The following NOVA1 variants were observed in gnomAD, a reference collection of about 807,000 sequenced individuals.
NOVA1 encodes RNA-binding protein Nova-1.
Under a neutral mutation model 38.0 loss-of-function variants are expected in NOVA1, and 7 were observed. The observed-to-expected ratio is 0.18, with a 90% confidence interval of 0.10 to 0.35. The LOEUF (loss-of-function observed/expected upper bound fraction) is 0.35. Among genes scored for constraint, NOVA1 ranks in the 10% least tolerant of loss-of-function variants. The pLI is 1.00. For missense variants in NOVA1, 460 were observed against 616.0 expected, an observed-to-expected ratio of 0.75 and a Z score of 2.68; for synonymous variants, 270 against 232.5, an observed-to-expected ratio of 1.16 and a Z score of -1.47.
At position 26,484,163 on chromosome 14, in the gene NOVA1, G is replaced by A. The variant is rs370031415; in HGVS notation, c.281-4020C>T. ...ATAAAGAAATTAATTGGCCGGGTGC[G>A]GTGGCTCACACCTGTAATCCCAGCA... On this transcript the variant is annotated intron_variant, in intron 2 of 4. Transcript: ENST00000539517. 4.7e-4 allele frequency among the ~76,000 whole-genome samples: 72 copies of A among 151,934 alleles called. No individual in the cohort carries two copies. In the Middle Eastern group the frequency reaches 0.01, roughly 22 times the overall value.
chr14:26,522,237 C>T (rs987603518), intron 2 of NOVA1, among the ~76,000 whole-genome samples: 1 of 152,066 alleles, frequency 6.6e-6, no homozygotes, highest in African/African-American at 2.4e-5. Context: ...GAAGATTAGG[C>T]AGAAGCTCAA....
At chr14:26,509,185 A>G (rs1299479839) in intron 2 of NOVA1, among the ~76,000 whole-genome samples, 2 of 152,130 alleles carry the variant, frequency 1.3e-5, no homozygotes, top group African/African-American at 4.8e-5. Context: ...GTATTTTTTA[A>G]GAGAATAGTA....
intron 4 of NOVA1, chr14:26,470,164 C>T: frequency 2.2e-5 from 18 of 814,628 alleles, no homozygotes; most frequent in East Asian, 1.4e-4. Flanking sequence ...ATTGACAGTC[C>T]ATTAGTTCTT....
chr14:26,458,128 G>A (rs1224077933), intron 4 of NOVA1, among the ~76,000 whole-genome samples: 3 of 151,960 alleles, frequency 2.0e-5, no homozygotes, highest in Admixed American at 1.3e-4. Context: ...TCCACAATGA[G>A]ATATCATCTG....
intron 2 of NOVA1, chr14:26,594,599 TAC>T (rs1227913932): frequency 1.3e-5 from 2 of 151,980 alleles, no homozygotes; most frequent in African/African-American, 2.4e-5. Flanking sequence ...ACTACTCAAT[TAC>T]AGAGACTTTT....
chr14:26,509,751 G>T (rs1315667670), intron 2 of NOVA1, among the ~76,000 whole-genome samples: 2 of 152,166 alleles, frequency 1.3e-5, no homozygotes, highest in African/African-American at 4.8e-5. Context: ...CATGATCTGG[G>T]CTCACTGCAA....
intron 2 of NOVA1, among the ~76,000 whole-genome samples, chr14:26,553,886 C>T (rs1951076): frequency 0.011 from 1,713 of 152,098 alleles, 23 homozygotes; most frequent in Middle Eastern, 0.058. Context: ...GTGGCTCAAA[C>T]CTGTAATCCC....
At chr14:26,533,381 A>G (rs1889857672) in intron 2 of NOVA1, among the ~76,000 whole-genome samples, 1 of 152,130 alleles carries the variant, frequency 6.6e-6, no homozygotes, top group Admixed American at 6.5e-5. Context: ...AGCCCTCCCT[A>G]TTGCCATCAG....
intron 1 of NOVA1, chr14:26,596,751 C>A: frequency 7.9e-7 from 1 of 1,258,838 alleles, no homozygotes; most frequent in Non-Finnish European, 1.0e-6. Flanking sequence ...GAAATATTTG[C>A]ACCGACAATC....
chr14:26,451,528 C>T (rs1882679565), intron 4 of NOVA1, among the ~76,000 whole-genome samples: 2 of 151,998 alleles, frequency 1.3e-5, no homozygotes, highest in East Asian at 3.9e-4. Context: ...GCCACCATGC[C>T]CAGATAATTT....
At chr14:26,484,162 CGG>C (rs1885683316) in intron 2 of NOVA1, among the ~76,000 whole-genome samples, 1 of 151,772 alleles carries the variant, frequency 6.6e-6, no homozygotes, top group Non-Finnish European at 1.5e-5. Flanking sequence ...TGGCCGGGTG[CGG>C]TGGCTCACAC....
chr14:26,477,285 A>G (rs1261469269), intron 3 of NOVA1, among the ~76,000 whole-genome samples: 1 of 152,160 alleles, frequency 6.6e-6, no homozygotes, highest in Non-Finnish European at 1.5e-5. Flanking sequence ...AATATTTTTG[A>G]TATCTTACTT....
intron 2 of NOVA1, among the ~76,000 whole-genome samples, chr14:26,514,213 T>G (rs2138469523): frequency 6.6e-6 from 1 of 151,808 alleles, no homozygotes; most frequent in South Asian, 2.1e-4. Flanking sequence ...ATAGGCACAA[T>G]ATATAGATTT....
chr14:26,490,937 C>A (rs966580015), intron 2 of NOVA1, among the ~76,000 whole-genome samples: 1 of 151,012 alleles, frequency 6.6e-6, no homozygotes, highest in Non-Finnish European at 1.5e-5. Flanking sequence ...GCAAGCTCCA[C>A]CTCCTGGGTT....
chr14:26,584,255 C>T (rs2138781601), intron 2 of NOVA1, among the ~76,000 whole-genome samples: 1 of 151,414 alleles, frequency 6.6e-6, no homozygotes, highest in Admixed American at 6.6e-5. Context: ...TTTGCCTTTT[C>T]CTTTCTAAGT....
chr14:26,536,870 C>A (rs1890135508), intron 2 of NOVA1, among the ~76,000 whole-genome samples: 1 of 152,044 alleles, frequency 6.6e-6, no homozygotes, highest in African/African-American at 2.4e-5. Context: ...TAAAAGCACA[C>A]AATATCAGGA....
chr14:26,547,939 C>T (rs1890898602), intron 2 of NOVA1, among the ~76,000 whole-genome samples: 1 of 151,940 alleles, frequency 6.6e-6, no homozygotes, highest in Non-Finnish European at 1.5e-5. Context: ...TTTTTGGTAA[C>T]CTTTAAGTAA....
chr14:26,550,090 C>A (rs184933134), intron 2 of NOVA1, among the ~76,000 whole-genome samples: 1 of 152,026 alleles, frequency 6.6e-6, no homozygotes, highest in Non-Finnish European at 1.5e-5. Flanking sequence ...AATGTTAAAA[C>A]GTATATGTTA....
chr14:26,478,650 A>G (rs890059090), intron 3 of NOVA1, among the ~76,000 whole-genome samples: 13 of 151,964 alleles, frequency 8.6e-5, no homozygotes, highest in Non-Finnish European at 1.6e-4. Context: ...GGTAAAAAAA[A>G]TAAACACAAC....
Sources: allele counts gnomAD v4.1 joint callset (sites outside exome capture counted in the v4.1 genomes callset), GRCh38; gene constraint gnomAD v4.1.1; transcripts MANE v1.5; gene names NCBI Gene and HGNC (gene_info 2026-07-23, HGNC 2026-07-21).